SAGE1: variants seen among roughly 807,000 people sequenced by gnomAD.
SAGE1 encodes the protein sarcoma antigen 1.
A neutral mutation model predicts 55.4 loss-of-function variants in SAGE1; 55 were observed. That is an observed-to-expected ratio of 0.99 (90% CI 0.80 to 1.24). SAGE1 has a LOEUF of 1.24. SAGE1 is among the 50% of genes most tolerant of loss of function. The pLI, the probability that SAGE1 is intolerant of heterozygous loss-of-function variation, is 0.00. For synonymous variants in SAGE1, 240 were observed against 244.3 expected (o/e 0.98, Z 0.17); for missense variants, 710 against 704.4 (o/e 1.01, Z -0.09).
At chrX:135,902,318 A>G (rs1556597339) in intron 3 of SAGE1, among the ~76,000 whole-genome samples, 2 of 112,030 alleles carry the variant, frequency 1.8e-5, no homozygotes, top group Non-Finnish European at 3.8e-5. Context: ...CCTGAAATCC[A>G]GACTCAAATA....
chrX:135,912,495 G>A (rs2088916473), intron 19 of SAGE1, 81 bp downstream of exon 19: 1 of 1,182,582 alleles, frequency 8.5e-7, no homozygotes, highest in Admixed American at 2.7e-5. Flanking sequence ...ATCATGGTTT[G>A]TTCCTCCTAA....
rs782747190 is a variant in SAGE1 at position 135,910,275 on chromosome X, T to C, written c.1864+105T>C. On this transcript the variant is annotated intron_variant, in intron 15 of 19. Coordinates refer to ENST00000370709, the MANE Select transcript of SAGE1 (RefSeq NM_001381902.1). ...GTTGTATTACCTTTTCAGGCCTCAATTTTAGGGTTCTCAGATTGCTACCTG... is the reference window on the plus strand; with the variant it reads ...GTTGTATTACCTTTTCAGGCCTCAACTTTAGGGTTCTCAGATTGCTACCTG... The C allele has an allele frequency of 7.0e-5, 73 of 1,041,274 alleles. No homozygotes were observed. In the South Asian group the frequency reaches 1.5e-3, roughly 21 times the overall value. 85.8% of individuals were successfully genotyped at this position (1,041,274 alleles called of 1,213,427 possible).
At position 135,912,784 on chromosome X, in the gene SAGE1, C is replaced by T; in HGVS notation, c.2616-14C>T. ...AGGTATCCTCTGGTGAATGGAATAC[C>T]TCTTTAATTTCAGGTTTAAAAAAGT... On this transcript the variant is annotated splice_polypyrimidine_tract_variant and intron_variant, in intron 19 of 19. Coordinates refer to ENST00000370709, the MANE Select transcript of SAGE1 (RefSeq NM_001381902.1). The T allele has an allele frequency of 6.6e-6, 8 of 1,205,655 alleles. No homozygotes were observed. Among genetic ancestry groups the T allele is most frequent in the Non-Finnish European group, 9.0e-6 (8 of 890,991 alleles).
Position 135,907,757 on chromosome X carries a change from C to A in SAGE1, c.1075C>A (p.Pro359Thr). 8.3e-7 allele frequency: 1 copy of A among 1,206,927 alleles called. No homozygotes were observed. The highest frequency in any genetic ancestry group is 1.1e-6 in the Non-Finnish European group (1 of 891,510). ...EERVVNNQPL[P>T]SNALSTVLPG... ...GAGAGTGGTAAATAACCAACCACTA[C>A]CTAGTAACGCCTTGTCAACTGTTCT... is the stretch of plus-strand genomic sequence containing the variant. The change falls in exon 10 of 20, where the codon CCT (proline) becomes ACT (threonine). Residue 359 changes from proline to threonine, a missense_variant. Pro to Thr is a conservative substitution (Grantham distance 38). Coordinates refer to ENST00000370709, the MANE Select transcript of SAGE1 (RefSeq NM_001381902.1).
Position 135,907,426 on chromosome X carries a change from A to G in SAGE1, c.991A>G (p.Ile331Val). 8.3e-7 allele frequency: 1 copy of G among 1,208,160 alleles called. No individual in the cohort carries two copies. The highest frequency in any genetic ancestry group is 1.8e-5 in the South Asian group (1 of 56,526). The change falls in exon 9 of 20, where the codon ATT (isoleucine) becomes GTT (valine). Residue 331 changes from isoleucine to valine, a missense_variant. Coordinates refer to ENST00000370709, the MANE Select transcript of SAGE1 (RefSeq NM_001381902.1). ...PVIIYLTATGIPGMNTRDQYA... is the reference protein window; with the variant it reads ...PVIIYLTATGVPGMNTRDQYA... ...GATTATTTATTTGACAGCAACTGGT[A>G]TTCCGGGCATGAATACCAGGGATCA... is the stretch of plus-strand genomic sequence containing the variant.
At chrX:135,904,370 T>C in intron 3 of SAGE1, 107 bp from the exon 4 acceptor site, 1 of 526,707 alleles carries the variant, frequency 1.9e-6, no homozygotes, top group Non-Finnish European at 3.3e-6. Flanking sequence ...GGTATATCCT[T>C]CTTCTTTATG....
Position 135,910,096 on chromosome X carries a change from T to A in SAGE1, c.1790T>A (p.Val597Asp). ...IKNGQAASDN[V>D]FSTVPPAFIN... ...AATGGCCAAGCAGCATCCGATAATG[T>A]CTTCTCGACTGTTCCACCAGCATTT... Residue 597 changes from valine (V) to aspartate (D), a missense_variant, in exon 15 of 20, where the codon GTC becomes GAC. Val to Asp is a radical substitution (Grantham distance 152). Transcript: ENST00000370709. The A allele has an allele frequency of 8.3e-7, 1 of 1,204,642 alleles. No individual in the cohort carries two copies. The highest frequency in any genetic ancestry group is 1.1e-6 in the Non-Finnish European group (1 of 889,401).
intron 2 of SAGE1, among the ~76,000 whole-genome samples, chrX:135,896,622 G>A (rs781963472): frequency 4.8e-5 from 5 of 104,324 alleles, no homozygotes; most frequent in East Asian, 3.0e-4. Context: ...GCAATGGCAC[G>A]ATCTCAGCTC....
chrX:135,905,179 A>T, intron 4 of SAGE1, 73 bp from the exon 5 acceptor site: 1 of 978,296 alleles, frequency 1.0e-6, no homozygotes, highest in Non-Finnish European at 1.4e-6. Context: ...GAAACCGAGC[A>T]TCAGTGGGAT....
At chrX:135,904,887 C>T (rs782164343) in intron 4 of SAGE1, among the ~76,000 whole-genome samples, 39 of 111,372 alleles carry the variant, frequency 3.5e-4, no homozygotes, top group African/African-American at 1.2e-3. Context: ...TCACAGTGTC[C>T]ATGAGGAGGG....
chrX:135,897,860 G>A (rs1434970554), intron 2 of SAGE1, among the ~76,000 whole-genome samples: 2 of 109,760 alleles, frequency 1.8e-5, no homozygotes, highest in African/African-American at 6.6e-5. Context: ...AGTGTGTGTT[G>A]CCCTGCCCGA....
intron 10 of SAGE1, 33 bp from the exon 11 acceptor site, chrX:135,908,056 C>A (rs2088827511): frequency 8.3e-7 from 1 of 1,201,545 alleles, no homozygotes; most frequent in Non-Finnish European, 1.1e-6. Flanking sequence ...ACTGCACTTA[C>A]CTCACAGCTC....
In SAGE1 at chrX:135,907,408, T is replaced by C. The variant is rs2088815814; in HGVS notation, c.973T>C (p.Tyr325His). 1 of 1,206,618 alleles carries C rather than the reference T, an allele frequency of 8.3e-7. No individual in the cohort carries two copies. The highest frequency in any genetic ancestry group is 1.7e-5 in the African/African-American group (1 of 57,196). Residue 325 changes from tyrosine (Y) to histidine (H), a missense_variant, in exon 9 of 20, where the codon TAT (tyrosine) becomes CAT (histidine). Coordinates refer to ENST00000370709, the MANE Select transcript of SAGE1 (RefSeq NM_001381902.1). ...GTCAACTGTTCAACCAGTGATTATTTATTTGACAGCAACTGGTATTCCGGG... is the reference window on the plus strand; with the variant it reads ...GTCAACTGTTCAACCAGTGATTATTCATTTGACAGCAACTGGTATTCCGGG... The part of the protein sequence containing the change: ...VLSTVQPVII[Y>H]LTATGIPGMN...
At chrX:135,910,662 T>C in intron 16 of SAGE1, 107 bp downstream of exon 16, 1 of 731,906 alleles carries the variant, frequency 1.4e-6, no homozygotes, top group Non-Finnish European at 2.1e-6. Flanking sequence ...TAGCCTCAGT[T>C]TGAGGGGTAT....
At chrX:135,906,328 A>G in intron 6 of SAGE1, 83 bp from the exon 7 acceptor site, 1 of 1,119,107 alleles carries the variant, frequency 8.9e-7, no homozygotes, top group Non-Finnish European at 1.2e-6. Flanking sequence ...ATAATTTCAT[A>G]GAAACTGAGC....
intron 3 of SAGE1, among the ~76,000 whole-genome samples, chrX:135,903,443 G>A (rs1387178466): frequency 8.9e-6 from 1 of 112,871 alleles, no homozygotes; most frequent in African/African-American, 3.2e-5. Flanking sequence ...GGCAGGGAAC[G>A]TTGCTCCCTG....
In SAGE1 at chrX:135,908,955, T is replaced by A. The variant is rs1556604291; in HGVS notation, c.1533T>A (p.Leu511=). 5.0e-6 allele frequency: 6 copies of A among 1,209,892 alleles called. No homozygotes were observed. The highest frequency in any genetic ancestry group is 4.5e-6 in the Non-Finnish European group (4 of 893,778). The change falls in exon 13 of 20, where the codon CTT becomes CTA. Residue 511 remains leucine, a synonymous_variant. Coordinates refer to ENST00000370709, the MANE Select transcript of SAGE1 (RefSeq NM_001381902.1). Reference sequence around the variant, plus strand: ...TCATATCAAATGATGCACCACAGCTTGGTCATATGGCTGCAGGTGGTATTC... The same window carrying A: ...TCATATCAAATGATGCACCACAGCTAGGTCATATGGCTGCAGGTGGTATTC... ...DKVISNDAPQ[L]GHMAAGGIPS...
chrX:135,898,708 C>G (rs782415790), intron 2 of SAGE1, among the ~76,000 whole-genome samples: 24 of 112,094 alleles, frequency 2.1e-4, no homozygotes, highest in Non-Finnish European at 3.9e-4. Context: ...GATGTTATCT[C>G]ATTGTGGTTT....
At chrX:135,912,469 A>T (rs1556607071) in intron 19 of SAGE1, 55 bp downstream of exon 19, 5 of 1,187,921 alleles carry the variant, frequency 4.2e-6, no homozygotes, top group Non-Finnish European at 5.6e-6. Context: ...CCAATTTGGG[A>T]CAGGGGCAGG....
Sources: gnomAD v4.1 joint callset for allele counts (sites outside exome capture counted in the v4.1 genomes callset) on GRCh38, gnomAD v4.1.1 for gene constraint, MANE v1.5 for transcripts, NCBI Gene and HGNC (gene_info 2026-07-23, HGNC 2026-07-21) for gene names.